Variants in SPRED2 observed in about 807,000 individuals in gnomAD.
The protein encoded by SPRED2 is sprouty-related, EVH1 domain-containing protein 2.
SPRED2 carries 47 observed loss-of-function variants against 43.0 expected under a neutral mutation model. The observed-to-expected ratio is 1.09, with a 90% confidence interval of 0.87 to 1.40. The LOEUF (loss-of-function observed/expected upper bound fraction) is 1.40. Ranked by LOEUF, SPRED2 falls within the 40% of genes most tolerant of loss-of-function variation. The pLI, the probability that SPRED2 is intolerant of heterozygous loss-of-function variation, is 0.00. For missense variants in SPRED2, 561 were observed against 586.4 expected, an observed-to-expected ratio of 0.96 and a Z score of 0.45; for synonymous variants, 225 against 225.7, an observed-to-expected ratio of 1.00 and a Z score of 0.03.
At chr2:65,412,051 C>T (rs1248548650) in intron 1 of SPRED2, among the ~76,000 whole-genome samples, 1 of 151,552 alleles carries the variant, frequency 6.6e-6, no homozygotes, top group African/African-American at 2.4e-5. Flanking sequence ...TGGCATGAAC[C>T]CAGGAGGCAG....
intron 4 of SPRED2, among the ~76,000 whole-genome samples, chr2:65,323,552 G>C (rs1673499776): frequency 6.6e-6 from 1 of 151,272 alleles, no homozygotes; most frequent in Non-Finnish European, 1.5e-5. Context: ...GGGCTGGCCT[G>C]TCCAAATCCT....
At chr2:65,399,760 A>G (rs1213768569) in intron 1 of SPRED2, among the ~76,000 whole-genome samples, 1 of 152,172 alleles carries the variant, frequency 6.6e-6, no homozygotes, top group African/African-American at 2.4e-5. Context: ...CATATGTGGG[A>G]GCTAAGCTAT....
At chr2:65,339,239 T>C (rs1305574055) in intron 2 of SPRED2, among the ~76,000 whole-genome samples, 1 of 151,668 alleles carries the variant, frequency 6.6e-6, no homozygotes, top group South Asian at 2.1e-4. Context: ...CAACAGCTCA[T>C]TGAGAATGGG....
rs560332724 is a variant in SPRED2, at chr2:65,370,913, C to G, written c.27-26017G>C. Among the ~76,000 whole-genome samples, 6 of 152,286 alleles carry G rather than the reference C, an allele frequency of 3.9e-5. No homozygotes were observed. The East Asian group carries it at 1.2e-3, about 29-fold the overall frequency. On this transcript the variant is annotated intron_variant, in intron 1 of 5. Transcript: ENST00000356388. ...TCACATTTGTGCATTATGTAGAAAC[C>G]ACACATGTCCCCAGAGGTTGAAGCA...
chr2:65,319,749 G>T (rs1166740249), intron 4 of SPRED2, among the ~76,000 whole-genome samples: 1 of 152,104 alleles, frequency 6.6e-6, no homozygotes, highest in Non-Finnish European at 1.5e-5. Flanking sequence ...TGTGGACACG[G>T]TTCCTCAGCA....
At chr2:65,403,546 C>T (rs748731766) in intron 1 of SPRED2, among the ~76,000 whole-genome samples, 42 of 152,276 alleles carry the variant, frequency 2.8e-4, no homozygotes, top group Non-Finnish European at 3.7e-4. Context: ...GGATTACATG[C>T]GTGAGCCACT....
chr2:65,426,128 C>G (rs1676551076), intron 1 of SPRED2, among the ~76,000 whole-genome samples: 2 of 152,174 alleles, frequency 1.3e-5, no homozygotes, highest in African/African-American at 2.4e-5. Context: ...CAGGCCCTGT[C>G]TTATTGTGGT....
At chr2:65,419,669 CAGT>C (rs1458293399) in intron 1 of SPRED2, among the ~76,000 whole-genome samples, 1 of 151,834 alleles carries the variant, frequency 6.6e-6, no homozygotes, top group East Asian at 1.9e-4. Context: ...ACTGTGAATT[CAGT>C]AGTATTGTAA....
intron 1 of SPRED2, among the ~76,000 whole-genome samples, chr2:65,363,013 T>TTG (rs1553421966): frequency 2.4e-4 from 34 of 140,200 alleles, no homozygotes; most frequent in Non-Finnish European, 3.1e-5. Flanking sequence ...TTGTTTTTTT[T>TTG]TTTTTTTTTT....
At chr2:65,335,226 C>T (rs1041042068) in intron 2 of SPRED2, among the ~76,000 whole-genome samples, 4 of 152,194 alleles carry the variant, frequency 2.6e-5, no homozygotes, top group African/African-American at 9.6e-5. Flanking sequence ...TCCCTCTCCA[C>T]TCTTTTTCTC....
intron 1 of SPRED2, among the ~76,000 whole-genome samples, chr2:65,418,917 A>C (rs890242573): frequency 9.2e-5 from 14 of 152,156 alleles, no homozygotes; most frequent in Admixed American, 7.9e-4. Context: ...GTAAGAATAA[A>C]AGTCTTTTTT....
intron 4 of SPRED2, among the ~76,000 whole-genome samples, chr2:65,325,072 A>T (rs556397633): frequency 9.2e-5 from 14 of 152,346 alleles, no homozygotes; most frequent in South Asian, 2.1e-4. Flanking sequence ...CTTCTCAAGT[A>T]GGATGCTCCC....
At chr2:65,377,894 CT>C in intron 1 of SPRED2, 1 of 339,824 alleles carries the variant, frequency 2.9e-6, no homozygotes, top group Non-Finnish European at 5.9e-6. Flanking sequence ...CTCATACTCT[CT>C]TTCCACATGC....
chr2:65,390,117 T>C (rs11683330), intron 1 of SPRED2, among the ~76,000 whole-genome samples: 7,838 of 152,182 alleles, frequency 0.052, 297 homozygotes, highest in Middle Eastern at 0.15. Context: ...CCAGAAATGT[T>C]TGATGGTCTG....
At position 65,327,867 on chromosome 2, in the gene SPRED2, GGGCC is replaced by G. The variant is rs1469806340; in HGVS notation, c.438+4116_438+4119del. On this transcript the variant is annotated intron_variant, in intron 4 of 5. Coordinates refer to ENST00000356388, the MANE Select transcript of SPRED2 (RefSeq NM_181784.3). Reference sequence around the variant, plus strand: ...GCCTCCGGAGTAGCTGGGATTACAGGGGCCCGCCATCATGCCTGGCTAATTTTTG... The same window carrying G: ...GCCTCCGGAGTAGCTGGGATTACAGGCGCCATCATGCCTGGCTAATTTTTG... Among the ~76,000 whole-genome samples, 4 of 151,724 alleles carry G rather than the reference GGGCC, an allele frequency of 2.6e-5. No individual in the cohort carries two copies. The East Asian group carries it at 7.8e-4, about 29-fold the overall frequency.
intron 1 of SPRED2, among the ~76,000 whole-genome samples, chr2:65,419,733 A>G (rs1210825353): frequency 6.6e-6 from 1 of 152,218 alleles, no homozygotes; most frequent in Non-Finnish European, 1.5e-5. Context: ...TCTGAAAGAC[A>G]GTAATACATA....
chr2:65,378,476 T>A (rs1258388508), intron 1 of SPRED2, among the ~76,000 whole-genome samples: 6 of 152,132 alleles, frequency 3.9e-5, no homozygotes. Flanking sequence ...GGAGGAGACA[T>A]GAATGACAGC....
intron 1 of SPRED2, among the ~76,000 whole-genome samples, chr2:65,360,473 T>C (rs1674781991): frequency 6.6e-6 from 1 of 152,230 alleles, no homozygotes; most frequent in Non-Finnish European, 1.5e-5. Context: ...ATACATACAA[T>C]GGAATTATTC....
intron 1 of SPRED2, among the ~76,000 whole-genome samples, chr2:65,366,311 C>CAACAACAACAAT (rs1674974813): frequency 6.6e-6 from 1 of 152,028 alleles, no homozygotes; most frequent in Non-Finnish European, 1.5e-5. Context: ...TAAAAAACAA[C>CAACAACAACAAT]AACAACAACA....
Sources: allele counts gnomAD v4.1 joint callset (sites outside exome capture counted in the v4.1 genomes callset), GRCh38; gene constraint gnomAD v4.1.1; transcripts MANE v1.5; gene names NCBI Gene and HGNC (gene_info 2026-07-23, HGNC 2026-07-21).